Variants in SLC17A8 observed in about 807,000 individuals in gnomAD.
The protein encoded by SLC17A8 is solute carrier family 17 member 8.
Under a neutral mutation model 58.0 loss-of-function variants are expected in SLC17A8, and 31 were observed. The observed-to-expected ratio is 0.53, with a 90% confidence interval of 0.40 to 0.72. The LOEUF (loss-of-function observed/expected upper bound fraction) is 0.72, where lower values mean the gene tolerates loss of function less well. Ranked by LOEUF, SLC17A8 falls within the 30% of genes least tolerant of loss-of-function variation. SLC17A8 has a pLI of 0.00. For missense variants in SLC17A8, 655 were observed against 727.8 expected, an observed-to-expected ratio of 0.90 and a Z score of 1.15; for synonymous variants, 228 against 249.0, an observed-to-expected ratio of 0.92 and a Z score of 0.79.
chr12:100,389,463 G>A (rs547460288), intron 2 of SLC17A8, among the ~76,000 whole-genome samples: 1 of 152,154 alleles, frequency 6.6e-6, no homozygotes, highest in Admixed American at 6.6e-5. Flanking sequence ...GAATAATGTA[G>A]TAAATAACTT....
intron 6 of SLC17A8, 38 bp downstream of exon 6, chr12:100,401,901 T>C (rs567026981): frequency 6.6e-7 from 1 of 1,522,234 alleles, no homozygotes; most frequent in South Asian, 1.1e-5. Flanking sequence ...ATGTGACTCA[T>C]AGAGATGGTA....
At chr12:100,366,137 A>G (rs932109580) in intron 1 of SLC17A8, among the ~76,000 whole-genome samples, 1 of 145,468 alleles carries the variant, frequency 6.9e-6, no homozygotes, top group African/African-American at 2.6e-5. Flanking sequence ...TGCATCCTTT[A>G]AATCTCTGAA....
intron 5 of SLC17A8, 41 bp from the exon 6 acceptor site, chr12:100,401,736 A>G (rs750005637): frequency 2.7e-6 from 4 of 1,467,648 alleles, no homozygotes; most frequent in Middle Eastern, 3.4e-4. Context: ...AAAGGCTTGC[A>G]TGATGATTGG....
chr12:100,419,428 G>A (rs574297893), intron 11 of SLC17A8, among the ~76,000 whole-genome samples: 32 of 151,960 alleles, frequency 2.1e-4, no homozygotes, highest in Non-Finnish European at 4.3e-4. Flanking sequence ...CAGCTACTCA[G>A]AGGCTGAGGC....
intron 1 of SLC17A8, among the ~76,000 whole-genome samples, chr12:100,379,435 C>CA (rs150305704): frequency 5.0e-4 from 68 of 136,542 alleles, no homozygotes; most frequent in South Asian, 1.1e-3. Context: ...ATTCCGTCCC[C>CA]AAAAAAAAAA....
chr12:100,375,497 G>A (rs1408389455), intron 1 of SLC17A8, among the ~76,000 whole-genome samples: 2 of 152,174 alleles, frequency 1.3e-5, no homozygotes, highest in Non-Finnish European at 2.9e-5. Flanking sequence ...AGGAAAGAAC[G>A]GCCTCACATC....
rs982403339 is a variant in SLC17A8, at chr12:100,357,563, A to T, written c.101+71A>T. The T allele has an allele frequency of 1.0e-5, 11 of 1,058,588 alleles. No homozygotes were observed. In the African/African-American group the frequency reaches 1.7e-4, roughly 16 times the overall value. 65.6% of individuals were successfully genotyped at this position (1,058,588 alleles called of 1,614,324 possible). On this transcript the variant is annotated intron_variant, in intron 1 of 11. Transcript: ENST00000323346. ...ATTGCCAATGTGTGAGAGACTTGGT[A>T]TCACGTTTTTAAAACCACACTTTAA...
intron 8 of SLC17A8, 28 bp from the exon 9 acceptor site, chr12:100,404,010 A>G (rs750835205): frequency 6.2e-7 from 1 of 1,613,910 alleles, no homozygotes; most frequent in South Asian, 1.1e-5. Context: ...AATAATGACA[A>G]ACTGCTTACT....
In SLC17A8 at chr12:100,397,937, G is replaced by A. The variant is rs570051310; in HGVS notation, c.676+1520G>A. Among the ~76,000 whole-genome samples the A allele has an allele frequency of 7.3e-5, 11 of 149,746 alleles. No individual in the cohort carries two copies. The South Asian group carries it at 1.1e-3, about 14-fold the overall frequency. On this transcript the variant is annotated intron_variant, in intron 5 of 11. Transcript: ENST00000323346. Reference sequence around the variant, plus strand: ...AGCCTGGGTGACAGAGGAAGACCCCGTCTCAAAAAAAAAAAAAAGTACCTT... The same window carrying A: ...AGCCTGGGTGACAGAGGAAGACCCCATCTCAAAAAAAAAAAAAAGTACCTT...
intron 4 of SLC17A8, among the ~76,000 whole-genome samples, chr12:100,395,251 T>C (rs866926645): frequency 1.3e-5 from 2 of 152,172 alleles, no homozygotes; most frequent in African/African-American, 4.8e-5. Context: ...AGCTCAATCA[T>C]GCTGTTTAGT....
Position 100,421,856 on chromosome 12 carries a change from C to G in SLC17A8, c.*1697C>G, listed in dbSNP as rs1025191427. On this transcript the variant is annotated 3_prime_UTR_variant, in exon 12 of 12. Transcript: ENST00000323346. ...CTTTAAATCTCTTTAATGAGTGAAT[C>G]CATGCAAGCCCCATAAAACAGTTCC... 1 of 151,870 alleles carries G rather than the reference C, an allele frequency of 6.6e-6. No homozygotes were observed. The highest frequency in any genetic ancestry group is 1.5e-5 in the Non-Finnish European group (1 of 67,964). The allele number at this position is 151,870 out of a possible 1,614,324, so 9.4% of individuals were successfully genotyped here.
intron 1 of SLC17A8, among the ~76,000 whole-genome samples, chr12:100,371,208 A>G (rs1266384721): frequency 6.6e-6 from 1 of 152,202 alleles, no homozygotes; most frequent in Non-Finnish European, 1.5e-5. Context: ...ACTCGGTCTC[A>G]TTTAACGTTC....
intron 1 of SLC17A8, among the ~76,000 whole-genome samples, chr12:100,362,089 T>G (rs1952488790): frequency 6.6e-6 from 1 of 152,200 alleles, no homozygotes; most frequent in Admixed American, 6.5e-5. Flanking sequence ...GTCCTTCCTT[T>G]GGGGCAAGTG....
chr12:100,383,475 G>A (rs908774159), intron 2 of SLC17A8, among the ~76,000 whole-genome samples: 3 of 152,170 alleles, frequency 2.0e-5, no homozygotes, highest in African/African-American at 7.2e-5. Context: ...AAGTGAGCAT[G>A]TTCAACCAAA....
chr12:100,393,447 C>T lies in SLC17A8; in HGVS notation c.552C>T (p.Cys184=), dbSNP rs139101406. 64 of 1,613,332 alleles carry T rather than the reference C, an allele frequency of 4.0e-5. No individual in the cohort carries two copies. Among genetic ancestry groups the T allele is most frequent in the Admixed American group, 1.5e-4 (9 of 59,974 alleles). ...CTGCAGCCAGAGTGCATTACGGATG[C>T]GTCATGTGTGTCAGAATTCTGCAAG... The part of the protein sequence containing the change: ...IPSAARVHYG[C]VMCVRILQGL... Residue 184 remains cysteine, a synonymous_variant, in exon 4 of 12, where the codon TGC becomes TGT. Coordinates refer to ENST00000323346, the MANE Select transcript of SLC17A8 (RefSeq NM_139319.3).
chr12:100,404,866 T>A (rs900765557), intron 9 of SLC17A8, among the ~76,000 whole-genome samples: 2 of 152,180 alleles, frequency 1.3e-5, no homozygotes, highest in Non-Finnish European at 2.9e-5. Flanking sequence ...AAGTAGCAGA[T>A]CCCTGCAAGG....
In SLC17A8 at chr12:100,391,219, A is replaced by G. The variant is rs1462178769; in HGVS notation, c.473+100A>G. ...TCTCAATTTGGGGGTGCAGAATGAA[A>G]AACAGGAGCCATCTGGATAGATGCA... On this transcript the variant is annotated intron_variant, in intron 3 of 11. Coordinates refer to ENST00000323346, the MANE Select transcript of SLC17A8 (RefSeq NM_139319.3). 4 of 810,422 alleles carry G rather than the reference A, an allele frequency of 4.9e-6. No individual in the cohort carries two copies. The Admixed American group carries it at 7.0e-5, about 14-fold the overall frequency. 50.2% of individuals were successfully genotyped at this position (810,422 alleles called of 1,614,324 possible).
At chr12:100,411,642 C>T (rs1952868370) in intron 9 of SLC17A8, among the ~76,000 whole-genome samples, 1 of 151,658 alleles carries the variant, frequency 6.6e-6, no homozygotes, top group Admixed American at 6.6e-5. Context: ...CCTCCTAAGG[C>T]ACTCTATATA....
At chr12:100,371,641 A>G (rs921078631) in intron 1 of SLC17A8, among the ~76,000 whole-genome samples, 1 of 152,270 alleles carries the variant, frequency 6.6e-6, no homozygotes. Context: ...GCCACCTCCC[A>G]GGTTCAAGTG....
Sources: gnomAD v4.1 joint callset for allele counts (sites outside exome capture counted in the v4.1 genomes callset) on GRCh38, gnomAD v4.1.1 for gene constraint, MANE v1.5 for transcripts, NCBI Gene and HGNC (gene_info 2026-07-23, HGNC 2026-07-21) for gene names.